MAGI1: variants seen among roughly 807,000 people sequenced by gnomAD.
MAGI1 encodes the protein membrane-associated guanylate kinase, WW and PDZ domain-containing protein 1.
In MAGI1, 58 loss-of-function variants were observed where a neutral mutation model predicts 139.9. The observed-to-expected ratio is 0.41, with a 90% CI of 0.34 to 0.52. The LOEUF is 0.52. Among genes scored for constraint, MAGI1 ranks in the 20% least tolerant of loss-of-function variants. The probability of loss-of-function intolerance (pLI) is 0.12; values close to 1 mark genes in which losing one functional copy is unlikely to be tolerated. For missense variants in MAGI1, 1,874 were observed against 1,901.6 expected (o/e 0.99, Z 0.27); for synonymous variants, 812 against 737.9 (o/e 1.10, Z -1.63).
intron 18 of MAGI1, among the ~76,000 whole-genome samples, chr3:65,370,541 A>T (rs1469484755): frequency 6.6e-6 from 1 of 152,230 alleles, no homozygotes; most frequent in Non-Finnish European, 1.5e-5. Flanking sequence ...TACATATTTA[A>T]ATTTTAAAAT....
intron 1 of MAGI1, among the ~76,000 whole-genome samples, chr3:65,674,481 T>C (rs898007294): frequency 6.6e-6 from 1 of 152,178 alleles, no homozygotes; most frequent in Non-Finnish European, 1.5e-5. Context: ...GGCCAAGGTG[T>C]CAGAGGCTAT....
chr3:66,030,274 G>T (rs1356569263), intron 1 of MAGI1, among the ~76,000 whole-genome samples: 1 of 152,194 alleles, frequency 6.6e-6, no homozygotes, highest in African/African-American at 2.4e-5. Context: ...TCCATCATCA[G>T]TCACCTAAAT....
chr3:65,962,334 G>T (rs1044023371), intron 1 of MAGI1, among the ~76,000 whole-genome samples: 1 of 151,526 alleles, frequency 6.6e-6, no homozygotes, highest in African/African-American at 2.4e-5. Flanking sequence ...TGTTAGCCAG[G>T]ATGGTCTTGA....
chr3:65,874,602 A>G (rs1236139161), intron 1 of MAGI1: 1 of 152,184 alleles, frequency 6.6e-6, no homozygotes, highest in Non-Finnish European at 1.5e-5. Flanking sequence ...TTGGTGTACA[A>G]AGACAGGCAA....
intron 2 of MAGI1, among the ~76,000 whole-genome samples, chr3:65,596,994 T>TC (rs1407941445): frequency 6.6e-6 from 1 of 152,150 alleles, no homozygotes; most frequent in Admixed American, 6.5e-5. Context: ...TTTCTAATTT[T>TC]CCCCGAGAGC....
At chr3:65,359,282 G>T in intron 22 of MAGI1, 1 of 1,491,392 alleles carries the variant, frequency 6.7e-7, no homozygotes, top group Non-Finnish European at 8.9e-7. Context: ...TTAACATAGG[G>T]CAAAGAGAGT....
chr3:65,711,660 T>C, intron 1 of MAGI1, among the ~76,000 whole-genome samples: 1 of 152,142 alleles, frequency 6.6e-6, no homozygotes, highest in South Asian at 2.1e-4. Context: ...ATACAATTGG[T>C]GTCCTGAGAA....
chr3:65,577,355 C>G (rs62253366), intron 2 of MAGI1, among the ~76,000 whole-genome samples: 1 of 151,950 alleles, frequency 6.6e-6, no homozygotes, highest in African/African-American at 2.4e-5. Flanking sequence ...TAAACAAAGG[C>G]AAAATCAGAG....
At chr3:65,699,096 C>A in intron 1 of MAGI1, among the ~76,000 whole-genome samples, 1 of 113,852 alleles carries the variant, frequency 8.8e-6, no homozygotes, top group Non-Finnish European at 1.8e-5. Flanking sequence ...CAAAAGAAGA[C>A]ATTTATGCAG....
intron 1 of MAGI1, among the ~76,000 whole-genome samples, chr3:65,889,294 G>A (rs139230099): frequency 1.1e-4 from 16 of 152,296 alleles, no homozygotes; most frequent in Admixed American, 1.0e-3. Context: ...AAGGAGATGG[G>A]AAAGATCCAT....
chr3:65,979,891 C>T (rs1431092568), intron 1 of MAGI1, among the ~76,000 whole-genome samples: 2 of 152,160 alleles, frequency 1.3e-5, no homozygotes, highest in Non-Finnish European at 2.9e-5. Context: ...TTAAGCAGCA[C>T]CCTGGACTCC....
chr3:65,398,964 C>T (rs546136062), intron 13 of MAGI1, among the ~76,000 whole-genome samples: 2 of 151,762 alleles, frequency 1.3e-5, no homozygotes, highest in African/African-American at 4.8e-5. Flanking sequence ...TCCTTCTGTT[C>T]TAATAAAAAC....
chr3:65,806,539 T>G (rs938240378), intron 1 of MAGI1, among the ~76,000 whole-genome samples: 3 of 152,194 alleles, frequency 2.0e-5, no homozygotes, highest in Admixed American at 6.5e-5. Context: ...TACGTCACTT[T>G]CCATTTTTTG....
chr3:65,858,301 T>C (rs764292097), intron 1 of MAGI1, among the ~76,000 whole-genome samples: 1 of 152,216 alleles, frequency 6.6e-6, no homozygotes, highest in Non-Finnish European at 1.5e-5. Context: ...CTGCTCCATG[T>C]TGACATAATA....
At chr3:65,405,554 C>T (rs1945262411) in intron 12 of MAGI1, among the ~76,000 whole-genome samples, 1 of 151,972 alleles carries the variant, frequency 6.6e-6, no homozygotes, top group Non-Finnish European at 1.5e-5. Flanking sequence ...TATAAATACA[C>T]ACATACATAT....
intron 1 of MAGI1, among the ~76,000 whole-genome samples, chr3:65,699,942 C>G (rs1009032763): frequency 2.0e-5 from 3 of 150,894 alleles, no homozygotes; most frequent in Non-Finnish European, 4.4e-5. Flanking sequence ...TTGCCCCAGA[C>G]CTACTGAATC....
intron 1 of MAGI1, among the ~76,000 whole-genome samples, chr3:65,889,307 C>G (rs1235696935): frequency 6.6e-6 from 1 of 152,172 alleles, no homozygotes; most frequent in Non-Finnish European, 1.5e-5. Flanking sequence ...AGATCCATCA[C>G]TTTAAAAAGG....
chr3:65,612,070 CATAGTAACAA>C (rs1207551370), intron 2 of MAGI1, among the ~76,000 whole-genome samples: 1 of 152,016 alleles, frequency 6.6e-6, no homozygotes, highest in Non-Finnish European at 1.5e-5. Context: ...GATCTATCAA[CATAGTAACAA>C]AATCTCAATT....
intron 1 of MAGI1, among the ~76,000 whole-genome samples, chr3:65,640,367 A>G (rs1241280237): frequency 1.3e-5 from 2 of 152,144 alleles, no homozygotes; most frequent in African/African-American, 4.8e-5. Flanking sequence ...TCTAATTCAC[A>G]TATGTATAAA....
Sources: allele counts gnomAD v4.1 joint callset (sites outside exome capture counted in the v4.1 genomes callset), GRCh38; gene constraint gnomAD v4.1.1; transcripts MANE v1.5; gene names NCBI Gene and HGNC (gene_info 2026-07-23, HGNC 2026-07-21).